The following TMEM132C variants were observed in gnomAD, a reference collection of about 807,000 sequenced individuals.
The protein encoded by TMEM132C is transmembrane protein 132C.
TMEM132C carries 29 observed loss-of-function variants against 61.4 expected under a neutral mutation model. The observed-to-expected ratio is 0.47, with a 90% CI of 0.35 to 0.64. TMEM132C has a LOEUF of 0.64. Among genes scored for constraint, TMEM132C ranks in the 30% least tolerant of loss-of-function variants. The pLI is 0.00. For missense variants in TMEM132C, 1,408 were observed against 1,476.9 expected, an observed-to-expected ratio of 0.95 and a Z score of 0.76; for synonymous variants, 656 against 633.1, an observed-to-expected ratio of 1.04 and a Z score of -0.54.
chr12:128,604,043 C>T (rs888667172), intron 3 of TMEM132C, among the ~76,000 whole-genome samples: 4 of 152,148 alleles, frequency 2.6e-5, no homozygotes, highest in East Asian at 1.9e-4. Flanking sequence ...GTTTTCCCTC[C>T]GTGTCTCTCT....
At chr12:128,531,945 C>T (rs906677518) in intron 2 of TMEM132C, among the ~76,000 whole-genome samples, 3 of 152,122 alleles carry the variant, frequency 2.0e-5, no homozygotes, top group Non-Finnish European at 4.4e-5. Flanking sequence ...GAAACCAGCT[C>T]GCATTATTAA....
At chr12:128,447,523 G>A (rs1786700762) in intron 2 of TMEM132C, among the ~76,000 whole-genome samples, 1 of 152,076 alleles carries the variant, frequency 6.6e-6, no homozygotes, top group Admixed American at 6.6e-5. Context: ...TGCTCTTCAG[G>A]GAGGGGAAAA....
At chr12:128,284,992 A>G (rs1476201998) in intron 1 of TMEM132C, among the ~76,000 whole-genome samples, 1 of 151,994 alleles carries the variant, frequency 6.6e-6, no homozygotes, top group Non-Finnish European at 1.5e-5. Flanking sequence ...TAAACACAAA[A>G]AATTAGCTGG....
chr12:128,517,613 C>A (rs1266366359), intron 2 of TMEM132C, among the ~76,000 whole-genome samples: 3 of 152,126 alleles, frequency 2.0e-5, no homozygotes, highest in Non-Finnish European at 4.4e-5. Context: ...ATTATAGACT[C>A]TAGGTGGTAG....
chr12:128,693,008 AT>A (rs1332372014), intron 5 of TMEM132C, among the ~76,000 whole-genome samples: 4 of 152,188 alleles, frequency 2.6e-5, no homozygotes, highest in Non-Finnish European at 4.4e-5. Context: ...ACGAACACGT[AT>A]TATATAAATA....
At chr12:128,438,839 A>G (rs1055642764) in intron 2 of TMEM132C, 4 of 151,940 alleles carry the variant, frequency 2.6e-5, no homozygotes, top group Middle Eastern at 3.4e-3. Flanking sequence ...ATTTCTCTCC[A>G]CTTCATTTTT....
intron 4 of TMEM132C, among the ~76,000 whole-genome samples, chr12:128,643,031 T>C (rs1363446509): frequency 6.6e-6 from 1 of 152,212 alleles, no homozygotes; most frequent in Non-Finnish European, 1.5e-5. Context: ...GATCTCTCAC[T>C]GACTTCAGAG....
intron 2 of TMEM132C, among the ~76,000 whole-genome samples, chr12:128,516,365 C>G (rs1872717776): frequency 1.3e-5 from 2 of 152,064 alleles, no homozygotes; most frequent in African/African-American, 4.8e-5. Flanking sequence ...CAGGCATGCA[C>G]CAAGGACTAA....
chr12:128,513,109 A>T (rs183618449), intron 2 of TMEM132C, among the ~76,000 whole-genome samples: 101 of 152,206 alleles, frequency 6.6e-4, no homozygotes, highest in African/African-American at 2.4e-3. Flanking sequence ...AGCAGAGGGG[A>T]GCAGGGTTAG....
chr12:128,393,331 G>A (rs1307863643), intron 1 of TMEM132C, among the ~76,000 whole-genome samples: 4 of 152,284 alleles, frequency 2.6e-5, no homozygotes, highest in African/African-American at 9.6e-5. Context: ...ACCCTTGCCA[G>A]TCAGACACGT....
At chr12:128,588,467 A>G (rs549464440) in intron 3 of TMEM132C, among the ~76,000 whole-genome samples, 60 of 152,254 alleles carry the variant, frequency 3.9e-4, no homozygotes, top group African/African-American at 1.4e-3. Context: ...TCTGTTTCCA[A>G]TATGTGTGTG....
At chr12:128,557,973 G>T (rs1164679699) in intron 3 of TMEM132C, among the ~76,000 whole-genome samples, 1 of 152,234 alleles carries the variant, frequency 6.6e-6, no homozygotes, top group African/African-American at 2.4e-5. Flanking sequence ...TCACATCTTG[G>T]CTCTTCTGCG....
At chr12:128,666,897 C>G (rs967424872) in intron 4 of TMEM132C, among the ~76,000 whole-genome samples, 1 of 152,140 alleles carries the variant, frequency 6.6e-6, no homozygotes, top group Non-Finnish European at 1.5e-5. Context: ...GGTGAAACCC[C>G]ATCTCTACTA....
intron 5 of TMEM132C, among the ~76,000 whole-genome samples, chr12:128,678,876 GGA>G (rs1954613355): frequency 6.6e-6 from 1 of 152,190 alleles, no homozygotes; most frequent in Non-Finnish European, 1.5e-5. Flanking sequence ...GTCTCCTGTG[GGA>G]GGACGCTCAT....
chr12:128,530,448 CTTT>C (rs398056093), intron 2 of TMEM132C, among the ~76,000 whole-genome samples: 1 of 144,596 alleles, frequency 6.9e-6, no homozygotes, highest in Non-Finnish European at 1.5e-5. Context: ...ACTTCTTTTT[CTTT>C]TTTTTTTTTT....
chr12:128,403,741 A>G (rs2136012417), intron 1 of TMEM132C, among the ~76,000 whole-genome samples: 1 of 152,326 alleles, frequency 6.6e-6, no homozygotes, highest in Admixed American at 6.5e-5. Context: ...TCATCTAGGA[A>G]GTTGTGGGAC....
intron 4 of TMEM132C, among the ~76,000 whole-genome samples, chr12:128,659,563 G>C (rs1182644398): frequency 6.6e-6 from 1 of 152,184 alleles, no homozygotes; most frequent in African/African-American, 2.4e-5. Context: ...ACGTGTGGAG[G>C]GGGAGCATTC....
chr12:128,595,446 A>G (rs967943683), intron 3 of TMEM132C, among the ~76,000 whole-genome samples: 1 of 152,186 alleles, frequency 6.6e-6, no homozygotes, highest in Non-Finnish European at 1.5e-5. Flanking sequence ...CCATCTTACC[A>G]TACCCGCTGT....
chr12:128,473,256 C>T (rs1282539683), intron 2 of TMEM132C, among the ~76,000 whole-genome samples: 1 of 152,058 alleles, frequency 6.6e-6, no homozygotes, highest in Non-Finnish European at 1.5e-5. Context: ...CTATCTTCAT[C>T]CTCACTCCAA....
Sources: gnomAD v4.1 joint callset for allele counts (sites outside exome capture counted in the v4.1 genomes callset) on GRCh38, gnomAD v4.1.1 for gene constraint, MANE v1.5 for transcripts, NCBI Gene and HGNC (gene_info 2026-07-23, HGNC 2026-07-21) for gene names.